RBFOX1: variants seen among roughly 807,000 people sequenced by gnomAD.
RBFOX1 encodes the protein RNA binding protein fox-1 homolog 1.
In RBFOX1, 8 loss-of-function variants were observed where a neutral mutation model predicts 57.7. That is an observed-to-expected ratio of 0.14 (90% CI 0.08 to 0.25). The LOEUF (loss-of-function observed/expected upper bound fraction) is 0.25, where lower values mean the gene tolerates loss of function less well. Ranked by LOEUF, RBFOX1 falls within the 10% of genes least tolerant of loss-of-function variation. The pLI is 1.00. For missense variants in RBFOX1, 611 were observed against 548.5 expected (o/e 1.11, Z -1.14); for synonymous variants, 326 against 222.4 (o/e 1.47, Z -4.15).
At chr16:6,311,316 A>AAG (rs1555619075) in intron 1 of RBFOX1, among the ~76,000 whole-genome samples, 1,719 of 147,646 alleles carry the variant, frequency 0.012, 40 homozygotes, top group African/African-American at 0.039. Context: ...AAAAAAAAAA[A>AAG]GAATAAAAGA....
intron 3 of RBFOX1, among the ~76,000 whole-genome samples, chr16:6,966,763 C>T (rs2084273186): frequency 4.6e-5 from 1 of 21,712 alleles, no homozygotes; most frequent in South Asian, 1.1e-3. Context: ...GTCTGTCTGT[C>T]TATCTATCTA....
chr16:7,377,555 T>G (rs2147765487), intron 4 of RBFOX1, among the ~76,000 whole-genome samples: 1 of 152,364 alleles, frequency 6.6e-6, no homozygotes, highest in Middle Eastern at 3.4e-3. Context: ...GAATCTGTAT[T>G]TGCAGGGCAG....
At chr16:7,067,315 A>T (rs2056303241) in intron 4 of RBFOX1, among the ~76,000 whole-genome samples, 1 of 152,212 alleles carries the variant, frequency 6.6e-6, no homozygotes, top group African/African-American at 2.4e-5. Flanking sequence ...CCACAAAAAA[A>T]ATAGTGGTTT....
chr16:5,683,736 C>A (rs746057721), intron 3 of RBFOX1, among the ~76,000 whole-genome samples: 1 of 148,790 alleles, frequency 6.7e-6, no homozygotes, highest in East Asian at 2.0e-4. Flanking sequence ...GTCCCCTTTA[C>A]GTGTATGTGT....
chr16:5,244,520 A>G (rs904254182), intron 1 of RBFOX1, among the ~76,000 whole-genome samples: 23 of 152,072 alleles, frequency 1.5e-4, no homozygotes, highest in Non-Finnish European at 3.4e-4. Flanking sequence ...GTTTGGACCA[A>G]CCTCTGGGTT....
chr16:6,654,769 A>T (rs1027167667), intron 3 of RBFOX1, 119 bp downstream of exon 3: 8 of 672,414 alleles, frequency 1.2e-5, no homozygotes, highest in African/African-American at 9.4e-5. Flanking sequence ...ACGGTCTATG[A>T]CATATTTAAA....
At chr16:5,496,556 C>A (rs140060921) in intron 2 of RBFOX1, among the ~76,000 whole-genome samples, 1 of 152,268 alleles carries the variant, frequency 6.6e-6, no homozygotes, top group Non-Finnish European at 1.5e-5. Context: ...TGTTATCAGG[C>A]ATCATTTAGG....
chr16:7,617,739 T>G (rs1412663257), intron 10 of RBFOX1, among the ~76,000 whole-genome samples: 4 of 152,194 alleles, frequency 2.6e-5, no homozygotes, highest in African/African-American at 9.7e-5. Flanking sequence ...AGACCCAGGC[T>G]TTCCCTCTAG....
chr16:5,585,489 C>T (rs1726610858), intron 2 of RBFOX1, among the ~76,000 whole-genome samples: 1 of 152,180 alleles, frequency 6.6e-6, no homozygotes, highest in African/African-American at 2.4e-5. Context: ...GGTCTGGATC[C>T]ATGGTTGCCC....
At chr16:7,433,795 C>A (rs1325865505) in intron 4 of RBFOX1, among the ~76,000 whole-genome samples, 1 of 152,082 alleles carries the variant, frequency 6.6e-6, no homozygotes, top group African/African-American at 2.4e-5. Flanking sequence ...GCCAGCCAGA[C>A]AGCTAGCCAG....
chr16:7,223,658 C>T (rs951815584), intron 4 of RBFOX1, among the ~76,000 whole-genome samples: 10 of 144,242 alleles, frequency 6.9e-5, no homozygotes, highest in Admixed American at 7.1e-5. Flanking sequence ...TCTTATGTTT[C>T]AGAACTAAAG....
chr16:6,037,140 G>A (rs2095375518), intron 1 of RBFOX1: 2 of 152,154 alleles, frequency 1.3e-5, no homozygotes, highest in South Asian at 4.1e-4. Context: ...ATCTCTGTAT[G>A]TCTTAAAGTC....
chr16:6,348,870 A>G (rs1399767056), intron 2 of RBFOX1, among the ~76,000 whole-genome samples: 1 of 152,180 alleles, frequency 6.6e-6, no homozygotes, highest in African/African-American at 2.4e-5. Flanking sequence ...CACAGATCCA[A>G]ACCATATCAG....
chr16:6,697,361 A>G (rs1370088487), intron 3 of RBFOX1, among the ~76,000 whole-genome samples: 1 of 152,182 alleles, frequency 6.6e-6, no homozygotes. Context: ...CCAGCCAGGG[A>G]TCCTTTGGGT....
chr16:7,131,939 A>G (rs531012914), intron 4 of RBFOX1, among the ~76,000 whole-genome samples: 2 of 152,064 alleles, frequency 1.3e-5, no homozygotes, highest in South Asian at 2.1e-4. Flanking sequence ...CTCACTGGCA[A>G]GTTAGAATCA....
chr16:6,741,054 G>A (rs2071926847), intron 3 of RBFOX1, among the ~76,000 whole-genome samples: 1 of 152,116 alleles, frequency 6.6e-6, no homozygotes, highest in Non-Finnish European at 1.5e-5. Flanking sequence ...AGAAGACACT[G>A]AAATAGCCCC....
chr16:6,677,003 C>G (rs1378373294), intron 3 of RBFOX1, among the ~76,000 whole-genome samples: 1 of 152,006 alleles, frequency 6.6e-6, no homozygotes, highest in Non-Finnish European at 1.5e-5. Context: ...TGCACAGATC[C>G]AAAAGACCAA....
In RBFOX1 at chr16:5,407,917, C is replaced by T. The variant is rs567973253; in HGVS notation, c.220-59299C>T. ...GCAGCTGGTGATGGGATTAGATTTA[C>T]ATTTTGGCAAGATCACTGCCCAGGA... On this transcript the variant is annotated intron_variant, in intron 1 of 2. Transcript: ENST00000585867. Among the ~76,000 whole-genome samples the T allele has an allele frequency of 3.9e-5, 6 of 152,332 alleles. 1 individual carries two copies. The highest frequency in any genetic ancestry group is 1.4e-4 in the African/African-American group (6 of 41,576).
intron 1 of RBFOX1, among the ~76,000 whole-genome samples, chr16:5,382,902 T>A (rs1160108486): frequency 6.6e-6 from 1 of 152,236 alleles, no homozygotes; most frequent in African/African-American, 2.4e-5. Flanking sequence ...CCTTTTATGA[T>A]GACGCAGAGA....
Sources: allele counts gnomAD v4.1 joint callset (sites outside exome capture counted in the v4.1 genomes callset), GRCh38; gene constraint gnomAD v4.1.1; transcripts MANE v1.5; gene names NCBI Gene and HGNC (gene_info 2026-07-23, HGNC 2026-07-21).